The following CPLANE1 variants were observed in gnomAD, a reference collection of about 807,000 sequenced individuals.
The protein encoded by CPLANE1 is ciliogenesis and planar polarity effector complex subunit 1, also known as ciliogenesis and planar polarity effector 1.
Under a neutral mutation model 362.5 loss-of-function variants are expected in CPLANE1, and 263 were observed. That is an observed-to-expected ratio of 0.73 (90% CI 0.66 to 0.80). The LOEUF (loss-of-function observed/expected upper bound fraction) is 0.80. CPLANE1 is among the 30% of genes least tolerant of loss of function. The pLI is 0.00. For synonymous variants in CPLANE1, 1,212 were observed against 1,302.6 expected (o/e 0.93, Z 1.50); for missense variants, 3,461 against 3,793.4 (o/e 0.91, Z 2.30).
chr5:37,201,646 C>T lies in CPLANE1; in HGVS notation c.3452G>A (p.Gly1151Asp), dbSNP rs1385676594. The change falls in exon 19 of 53, where the codon GGC becomes GAC. Residue 1151 changes from glycine (G) to aspartate (D), a missense_variant. Physicochemically the swap from Gly to Asp is moderately conservative, Grantham distance 94. Transcript: ENST00000651892. ...CAATGGAGGAGCTGGAAGATACAAG[C>T]CGAATGGCACTAAGCCCCACAGTCT... The part of the protein sequence containing the change: ...SKRLWGLVPF[G>D]LYLPAPPLYC... 6.2e-7 allele frequency: 1 copy of T among 1,614,136 alleles called. No individual in the cohort carries two copies. Among genetic ancestry groups the T allele is most frequent in the Non-Finnish European group, 8.5e-7 (1 of 1,180,020 alleles).
At chr5:37,161,908 T>C (rs1442628985) in intron 38 of CPLANE1, among the ~76,000 whole-genome samples, 2 of 152,184 alleles carry the variant, frequency 1.3e-5, no homozygotes, top group African/African-American at 2.4e-5. Flanking sequence ...GTTCTGTACA[T>C]GGGTAAAAGA....
rs1561373097 is a variant in CPLANE1, at chr5:37,138,713, T to C, written c.8792+7A>G. The C allele has an allele frequency of 6.2e-7, 1 of 1,600,468 alleles. No homozygotes were observed. The highest frequency in any genetic ancestry group is 8.5e-7 in the Non-Finnish European group (1 of 1,176,518). ...AACAGGTTAAAAATGAATTATTCAATGATTACCTGGAGGTGCCCATAGCTT... is the reference window on the plus strand; with the variant it reads ...AACAGGTTAAAAATGAATTATTCAACGATTACCTGGAGGTGCCCATAGCTT... On this transcript the variant is annotated splice_region_variant and intron_variant, in intron 46 of 52. Transcript: ENST00000651892.
In CPLANE1 at chr5:37,158,280, T is replaced by C. The variant is rs759716117; in HGVS notation, c.7756A>G (p.Ser2586Gly). 5 of 1,613,910 alleles carry C rather than the reference T, an allele frequency of 3.1e-6. No homozygotes were observed. The highest frequency in any genetic ancestry group is 3.3e-4 in the Middle Eastern group (2 of 6,060). Residue 2586 changes from serine to glycine, a missense_variant, in exon 39 of 53, where the codon AGT (serine) becomes GGT (glycine). Physicochemically the swap from Ser to Gly is moderately conservative, Grantham distance 56 (BLOSUM62 0). Transcript: ENST00000651892. Reference protein sequence around the residue: ...PDVYLNLKLSSEMSEKPWSPS... With the variant: ...PDVYLNLKLSGEMSEKPWSPS... Reference sequence around the variant, plus strand: ...GACCAAGGTTTCTCTGACATTTCACTGGAAAGCTTCAGATTTAGATAGACA... The same window carrying C: ...GACCAAGGTTTCTCTGACATTTCACCGGAAAGCTTCAGATTTAGATAGACA...
chr5:37,100,661 G>C, the CPLANE1 span, among the ~76,000 whole-genome samples: 1 of 152,142 alleles, frequency 6.6e-6, no homozygotes, highest in Non-Finnish European at 1.5e-5. Context: ...AATGTCAATG[G>C]TAGTTTAAGG....
chr5:37,212,258 G>A, intron 16 of CPLANE1: 1 of 1,401,918 alleles, frequency 7.1e-7, no homozygotes, highest in Non-Finnish European at 1.0e-6. Context: ...AAGACCAGGA[G>A]TCGGCAGATA....
At chr5:37,084,954 G>C in the CPLANE1 span, 2 of 535,250 alleles carry the variant, frequency 3.7e-6, no homozygotes, top group Admixed American at 3.1e-5. Flanking sequence ...GTGAGAAGGA[G>C]TAGCTATTTT....
chr5:37,159,094 C>CTTTTTTT (rs34035923), intron 38 of CPLANE1, among the ~76,000 whole-genome samples: 2 of 59,762 alleles, frequency 3.3e-5, no homozygotes, highest in African/African-American at 8.9e-5. Flanking sequence ...AATTCACATT[C>CTTTTTTT]TTTTTTTTTT....
At position 37,107,675 on chromosome 5, in the gene CPLANE1, C is replaced by CT; in HGVS notation, c.9682_9683insA (p.Trp3228Ter). The change falls in exon 53 of 53, where the codon TGG becomes TAGG. Residue 3228 changes from tryptophan to a stop codon, truncating the protein, a stop_gained and frameshift_variant. Transcript: ENST00000651892. LOFTEE classifies it high-confidence loss of function. ...GGCCACCATGTCTTCGATGGCATTC[C>CT]AGTCCAGCTTGCTGAGGATGCTGCC... ...STGSILSKLDWNAIEDMVASV... is the reference protein window; with the variant it reads ...STGSILSKLD 1 of 1,611,570 alleles carries CT rather than the reference C, an allele frequency of 6.2e-7. No individual in the cohort carries two copies. Among genetic ancestry groups the CT allele is most frequent in the Non-Finnish European group, 8.5e-7 (1 of 1,179,052 alleles).
chr5:37,211,185 A>G, intron 16 of CPLANE1: 1 of 1,372,950 alleles, frequency 7.3e-7, no homozygotes, highest in Non-Finnish European at 1.0e-6. Context: ...TGCATCAAGG[A>G]TCACAAATTA....
chr5:37,238,864 G>C lies in CPLANE1; in HGVS notation c.931C>G (p.Leu311Val). Reference sequence around the variant, plus strand: ...AGACAAAAGAGTTCTTACCTAATAAGTGTAGCTGGAACCACGGGACTCTTG... The same window carrying C: ...AGACAAAAGAGTTCTTACCTAATAACTGTAGCTGGAACCACGGGACTCTTG... ...SNKSPVVPAT[L>V]IRSYWVGDIS... Residue 311 changes from leucine to valine, a missense_variant, in exon 8 of 53, where the codon CTT (leucine) becomes GTT (valine). Physicochemically the swap from Leu to Val is conservative, Grantham distance 32 (BLOSUM62 1). Transcript: ENST00000651892. The C allele has an allele frequency of 6.7e-7, 1 of 1,496,904 alleles. No homozygotes were observed. The highest frequency in any genetic ancestry group is 8.9e-7 in the Non-Finnish European group (1 of 1,117,856). The allele number at this position is 1,496,904 out of a possible 1,614,324, so 92.7% of individuals were successfully genotyped here.
chr5:37,232,839 CA>C (rs765038993), intron 8 of CPLANE1, among the ~76,000 whole-genome samples: 9,624 of 62,042 alleles, frequency 0.16, 1,217 homozygotes, highest in African/African-American at 0.46. Context: ...GACCTTGTTG[CA>C]AAAAAAAAAA....
chr5:37,222,398 T>A (rs1210560948), intron 14 of CPLANE1, among the ~76,000 whole-genome samples: 4 of 152,164 alleles, frequency 2.6e-5, no homozygotes, highest in African/African-American at 9.7e-5. Context: ...GGTAATGGCC[T>A]TAAGATTGGA....
rs191894982 is a variant in CPLANE1, at chr5:37,151,209, C to A, written c.8373+2531G>T. On this transcript the variant is annotated intron_variant, in intron 42 of 52. Transcript: ENST00000651892. ...ATGCTCATACAGCTCCCCAAACACT[C>A]TATGCCATTTGGTACCTTTCTCCTT... is the stretch of plus-strand genomic sequence containing the variant. 5.3e-5 allele frequency among the ~76,000 whole-genome samples: 8 copies of A among 152,330 alleles called. No individual in the cohort carries two copies. In the East Asian group the frequency reaches 1.5e-3, roughly 29 times the overall value.
chr5:37,217,362 T>C (rs967522240), intron 15 of CPLANE1, among the ~76,000 whole-genome samples: 29 of 152,210 alleles, frequency 1.9e-4, no homozygotes, highest in African/African-American at 6.7e-4. Flanking sequence ...TCCCAGCACT[T>C]TGGGAGGCCA....
At chr5:37,176,907 C>T (rs1484265099) in intron 30 of CPLANE1, among the ~76,000 whole-genome samples, 4 of 151,932 alleles carry the variant, frequency 2.6e-5, no homozygotes, top group Admixed American at 1.3e-4. Flanking sequence ...TACAAGCGCC[C>T]GCCACCACAC....
chr5:37,221,123 CCA>C (rs1192693277), intron 15 of CPLANE1, among the ~76,000 whole-genome samples, 199 bp downstream of exon 15: 1 of 152,116 alleles, frequency 6.6e-6, no homozygotes. Flanking sequence ...GGTAGAACAA[CCA>C]ACTTTTATGT....
At chr5:37,135,704 G>A (rs1227349853) in intron 46 of CPLANE1, among the ~76,000 whole-genome samples, 3 of 151,964 alleles carry the variant, frequency 2.0e-5, no homozygotes, top group Non-Finnish European at 2.9e-5. Flanking sequence ...GTGGTGGCAC[G>A]TGCCTGTAAT....
At position 37,140,110 on chromosome 5, in the gene CPLANE1, CT is replaced by C. The variant is rs530399739; in HGVS notation, c.8633-741del. 8.9e-6 allele frequency: 8 copies of C among 898,130 alleles called. No individual in the cohort carries two copies. The East Asian group carries it at 9.5e-4, about 107-fold the overall frequency. The allele number at this position is 898,130 out of a possible 1,614,324, so 55.6% of individuals were successfully genotyped here. A position where few individuals can be genotyped will look rare whatever the true frequency, so the allele number is the denominator to read the frequency against. On this transcript the variant is annotated intron_variant, in intron 44 of 52. Transcript: ENST00000651892. Reference sequence around the variant, plus strand: ...GTCTTGTCCAGTATTAACTATATGTCTTCAGAGAAAAACACTTAATCTATTC... The same window carrying C: ...GTCTTGTCCAGTATTAACTATATGTCTCAGAGAAAAACACTTAATCTATTC...
At chr5:37,229,495 C>A (rs972662540) in intron 9 of CPLANE1, among the ~76,000 whole-genome samples, 2 of 151,844 alleles carry the variant, frequency 1.3e-5, no homozygotes, top group Non-Finnish European at 2.9e-5. Flanking sequence ...GCCGAGATGG[C>A]GCCACCGCAC....
Sources: gnomAD v4.1 joint callset for allele counts (sites outside exome capture counted in the v4.1 genomes callset) on GRCh38, gnomAD v4.1.1 for gene constraint, MANE v1.5 for transcripts, NCBI Gene and HGNC (gene_info 2026-07-23, HGNC 2026-07-21) for gene names.